Variants in GRIA3 observed in about 807,000 individuals in gnomAD.
GRIA3 encodes the protein glutamate ionotropic receptor AMPA type subunit 3.
A neutral mutation model predicts 63.0 loss-of-function variants in GRIA3; 3 were observed. The ratio of observed to expected loss-of-function variants is 0.05; its 90% CI spans 0.02 to 0.12. The LOEUF (loss-of-function observed/expected upper bound fraction) is 0.12. Ranked by LOEUF, GRIA3 falls within the 10% of genes least tolerant of loss-of-function variation. The pLI is 1.00. For missense variants in GRIA3, 347 were observed against 700.9 expected (o/e 0.50, Z 5.70); for synonymous variants, 274 against 257.9 (o/e 1.06, Z -0.60).
chrX:123,366,720 T>C (rs774006981), intron 5 of GRIA3, among the ~76,000 whole-genome samples: 15 of 111,813 alleles, frequency 1.3e-4, no homozygotes, highest in Non-Finnish European at 5.6e-5. Context: ...ATGGGGTTGC[T>C]AGCTGACTCC....
At chrX:123,335,667 T>A (rs1027307053) in intron 4 of GRIA3, among the ~76,000 whole-genome samples, 2 of 111,446 alleles carry the variant, frequency 1.8e-5, no homozygotes, top group Admixed American at 1.9e-4. Context: ...AATATCCTCT[T>A]TATTTTGAGT....
intron 3 of GRIA3, among the ~76,000 whole-genome samples, chrX:123,305,170 G>C (rs1162568610): frequency 9.0e-6 from 1 of 111,598 alleles, no homozygotes; most frequent in Non-Finnish European, 1.9e-5. Flanking sequence ...TAGGCTTCTA[G>C]GAGTCTAAGA....
chrX:123,431,503 A>T (rs1161449664), intron 12 of GRIA3, among the ~76,000 whole-genome samples: 1 of 111,776 alleles, frequency 8.9e-6, no homozygotes, highest in East Asian at 2.8e-4. Flanking sequence ...TTGAAAACTG[A>T]TTTCCTTAGA....
chrX:123,192,277 TGCCTATGTGG>T (rs894548947), intron 2 of GRIA3, among the ~76,000 whole-genome samples: 4 of 111,577 alleles, frequency 3.6e-5, no homozygotes, highest in African/African-American at 1.3e-4. Context: ...AGACTGAACC[TGCCTATGTGG>T]GCACTGTCAG....
At chrX:123,463,722 A>AAGAGAGAG (rs748689728) in intron 12 of GRIA3, among the ~76,000 whole-genome samples, 1 of 82,072 alleles carries the variant, frequency 1.2e-5, no homozygotes. Context: ...GAAAGAAAGA[A>AAGAGAGAG]AGAGAAAGAA....
chrX:123,395,280 C>T, intron 6 of GRIA3, 151 bp downstream of exon 6: 1 of 506,759 alleles, frequency 2.0e-6, no homozygotes, highest in Non-Finnish European at 3.4e-6. Flanking sequence ...GATGCTATTG[C>T]ATTTGAAAAC....
At chrX:123,297,209 A>C (rs1226183576) in intron 3 of GRIA3, among the ~76,000 whole-genome samples, 1 of 111,275 alleles carries the variant, frequency 9.0e-6, no homozygotes, top group African/African-American at 3.3e-5. Flanking sequence ...GTGCATGTTA[A>C]AGCTTGACAA....
chrX:123,359,588 G>A (rs2045156034), intron 5 of GRIA3, among the ~76,000 whole-genome samples: 1 of 111,839 alleles, frequency 8.9e-6, no homozygotes, highest in Non-Finnish European at 1.9e-5. Flanking sequence ...ATAGATATGA[G>A]TATTCTTAGC....
chrX:123,234,486 C>G (rs1438239963), intron 2 of GRIA3, among the ~76,000 whole-genome samples: 1 of 112,039 alleles, frequency 8.9e-6, no homozygotes, highest in Non-Finnish European at 1.9e-5. Flanking sequence ...GAGGCAATAA[C>G]TATCTTCAGG....
intron 11 of GRIA3, among the ~76,000 whole-genome samples, chrX:123,418,502 G>A (rs777163800): frequency 2.0e-4 from 22 of 111,744 alleles, no homozygotes; most frequent in Non-Finnish European, 3.2e-4. Flanking sequence ...AGTAAATCAT[G>A]TGTCTGATAA....
intron 12 of GRIA3, among the ~76,000 whole-genome samples, 173 bp downstream of exon 12, chrX:123,428,312 A>G (rs192611922): frequency 2.1e-4 from 23 of 111,002 alleles, no homozygotes; most frequent in African/African-American, 7.5e-4. Flanking sequence ...GTCGTTTAGA[A>G]CCAAGACTTG....
intron 15 of GRIA3, among the ~76,000 whole-genome samples, chrX:123,485,215 A>G (rs941068184): frequency 2.7e-5 from 3 of 112,565 alleles, no homozygotes; most frequent in East Asian, 2.8e-4. Context: ...CTTGCTGGAC[A>G]TGAGCAATTT....
chrX:123,396,199 A>AAATAATAATAAT (rs10528905), intron 6 of GRIA3, among the ~76,000 whole-genome samples: 14,523 of 85,744 alleles, frequency 0.17, 1,138 homozygotes, highest in East Asian at 0.29. Context: ...CTCCATCTCA[A>AAATAATAATAAT]AATAATAATA....
intron 12 of GRIA3, among the ~76,000 whole-genome samples, chrX:123,439,485 T>C (rs2045661769): frequency 8.9e-6 from 1 of 112,007 alleles, no homozygotes; most frequent in South Asian, 3.7e-4. Flanking sequence ...TCAAAATTCT[T>C]ATGTGTTTAT....
chrX:123,306,420 T>A (rs1388447473), intron 3 of GRIA3, among the ~76,000 whole-genome samples: 2 of 112,050 alleles, frequency 1.8e-5, no homozygotes, highest in African/African-American at 6.5e-5. Context: ...AGTACTGTGC[T>A]AATAACTTCC....
intron 5 of GRIA3, among the ~76,000 whole-genome samples, chrX:123,394,160 G>A (rs759670148): frequency 3.6e-5 from 4 of 112,009 alleles, no homozygotes; most frequent in African/African-American, 6.5e-5. Flanking sequence ...TCAGGAGTTC[G>A]AGACCAGCCA....
At chrX:123,464,077 T>C (rs761253438) in intron 12 of GRIA3, among the ~76,000 whole-genome samples, 1 of 110,365 alleles carries the variant, frequency 9.1e-6, no homozygotes, top group Non-Finnish European at 1.9e-5. Context: ...GAAGGGGACA[T>C]AATAAAGGCC....
rs756199746 is a variant in GRIA3, at chrX:123,327,834, C to CAA, written c.696+1631_696+1632dup. 3.5e-4 allele frequency among the ~76,000 whole-genome samples: 35 copies of CAA among 101,064 alleles called. 1 individual carries two copies. Among genetic ancestry groups the CAA allele is most frequent in the African/African-American group, 7.2e-4 (20 of 27,931 alleles). The allele number at this position is 101,064 out of a possible 115,157, so 87.8% of individuals were successfully genotyped here. A position where few individuals can be genotyped will look rare whatever the true frequency, so the allele number is the denominator to read the frequency against. On this transcript the variant is annotated intron_variant, in intron 4 of 15. Coordinates refer to ENST00000620443, the MANE Select transcript of GRIA3 (RefSeq NM_007325.5). ...TGATCTACCTGCCCCTTCCCCCCCA[C>CAA]AAAAAAAAAAATACCTTCCTTTGAT...
At chrX:123,186,328 A>G (rs940016091) in intron 2 of GRIA3, among the ~76,000 whole-genome samples, 4 of 111,370 alleles carry the variant, frequency 3.6e-5, no homozygotes, top group Admixed American at 9.5e-5. Context: ...AAGAAAGAAA[A>G]AAATAGCACG....
Sources: allele counts gnomAD v4.1 joint callset (sites outside exome capture counted in the v4.1 genomes callset), GRCh38; gene constraint gnomAD v4.1.1; transcripts MANE v1.5; gene names NCBI Gene and HGNC (gene_info 2026-07-23, HGNC 2026-07-21).